The following GTF3C2 variants were observed in gnomAD, a reference collection of about 807,000 sequenced individuals.
GTF3C2 encodes general transcription factor 3C polypeptide 2.
In GTF3C2, 17 loss-of-function variants were observed where a neutral mutation model predicts 117.4. The observed-to-expected ratio is 0.14, with a 90% CI of 0.10 to 0.22. The LOEUF is 0.22. Ranked by LOEUF, GTF3C2 falls within the 10% of genes least tolerant of loss-of-function variation. GTF3C2 has a pLI of 1.00. For missense variants in GTF3C2, 888 were observed against 1,143.6 expected, an observed-to-expected ratio of 0.78 and a Z score of 3.22; for synonymous variants, 437 against 427.0, an observed-to-expected ratio of 1.02 and a Z score of -0.29.
rs112073876 is a variant in GTF3C2 at position 27,334,799 on chromosome 2, T to C, written c.1576+799A>G. Among the ~76,000 whole-genome samples the C allele has an allele frequency of 5.1e-3, 773 of 152,166 alleles. 10 individuals are homozygous for C. The highest frequency in any genetic ancestry group is 0.018 in the African/African-American group (735 of 41,520). ...CTGGGATTACAGGCATGCACCACTA[T>C]GTTCGGCTACTTTTAAAAATTTTTT... On this transcript the variant is annotated intron_variant, in intron 10 of 18. Coordinates refer to ENST00000264720, the Ensembl canonical transcript of GTF3C2.
exon 19 of GTF3C2, chr2:27,326,203 A>C (rs1680067720): frequency 2.1e-6 from 1 of 472,172 alleles, no homozygotes; most frequent in Non-Finnish European, 4.4e-6. Context: ...CCTCGTGGGC[A>C]TACATGATGG....
chr2:27,327,366 A>G, intron 17 of GTF3C2, 82 bp from the exon 18 acceptor site: 1 of 691,346 alleles, frequency 1.4e-6, no homozygotes, highest in Non-Finnish European at 2.5e-6. Context: ...TCTGTCACCC[A>G]GGCTGGAGTG....
chr2:27,330,470 AG>A (rs1298955399), intron 12 of GTF3C2, among the ~76,000 whole-genome samples: 1 of 151,900 alleles, frequency 6.6e-6, no homozygotes, highest in African/African-American at 2.4e-5. Flanking sequence ...TCAAAAAAAA[AG>A]AAAAAAAAAA....
intron 1 of GTF3C2, among the ~76,000 whole-genome samples, chr2:27,349,945 G>A (rs1681066976): frequency 6.6e-6 from 1 of 151,984 alleles, no homozygotes; most frequent in South Asian, 2.1e-4. Context: ...CAGCCCAAAA[G>A]GGAGTAGTTT....
chr2:27,332,508 G>A (rs979854365), intron 12 of GTF3C2, among the ~76,000 whole-genome samples: 2 of 151,164 alleles, frequency 1.3e-5, no homozygotes, highest in Non-Finnish European at 2.9e-5. Context: ...TCCGCCTCCC[G>A]GGTTCACGCC....
intron 3 of GTF3C2, chr2:27,342,592 G>A (rs1680773828): frequency 1.6e-5 from 9 of 565,022 alleles, no homozygotes; most frequent in Non-Finnish European, 2.2e-5. Context: ...GGTAAAGTTT[G>A]TGAAAAATGG....
At position 27,329,428 on chromosome 2, in the gene GTF3C2, G is replaced by T. The variant is rs760078139; in HGVS notation, c.1828C>A (p.Leu610Ile). The T allele has an allele frequency of 6.2e-7, 1 of 1,614,032 alleles. No individual in the cohort carries two copies. Among genetic ancestry groups the T allele is most frequent in the Non-Finnish European group, 8.5e-7 (1 of 1,180,010 alleles). The change falls in exon 13 of 19, where the codon CTA (leucine) becomes ATA (isoleucine). Residue 610 changes from leucine to isoleucine, a missense_variant. This residue lies in a region of GTF3C2 where 277 missense variants were observed against 445.4 expected (regional missense o/e 0.62). Transcript: ENST00000264720. The surrounding 1 kb of genome is among the most constrained non-coding windows in gnomAD (Gnocchi z 4.5). Reference sequence around the variant, plus strand: ...GTACGCACAGCCTGGTCATGGGCTAGGAAACACTGGAAGGGGTAGAGCTTT... The same window carrying T: ...GTACGCACAGCCTGGTCATGGGCTATGAAACACTGGAAGGGGTAGAGCTTT...
chr2:27,354,269 C>A (rs1211065538), intron 1 of GTF3C2, among the ~76,000 whole-genome samples: 1 of 150,338 alleles, frequency 6.7e-6, no homozygotes, highest in Non-Finnish European at 1.5e-5. Context: ...GGTGACAGAG[C>A]AAGATCTTGT....
intron 9 of GTF3C2, 42 bp from the exon 10 acceptor site, chr2:27,335,748 G>T: frequency 1.5e-6 from 2 of 1,360,092 alleles, no homozygotes; most frequent in South Asian, 1.2e-5. Context: ...GCCTTCAGCT[G>T]ACTCACAGAA....
exon 4 of GTF3C2, chr2:27,342,038 T>C (rs1197662379): frequency 4.3e-6 from 7 of 1,614,160 alleles, no homozygotes; most frequent in Non-Finnish European, 5.9e-6. Context: ...CTTCCACATC[T>C]TCAGCCTCAA....
intron 1 of GTF3C2, chr2:27,356,215 G>A (rs912188452): frequency 4.4e-6 from 3 of 679,702 alleles, no homozygotes; most frequent in African/African-American, 3.7e-5. Context: ...CTGGCCCTTG[G>A]TTACGCCAAT....
chr2:27,350,553 A>G (rs1191717983), intron 1 of GTF3C2: 1 of 968,122 alleles, frequency 1.0e-6, no homozygotes, highest in Non-Finnish European at 1.2e-6. Flanking sequence ...TAATCTCAAC[A>G]CTTTGGGAGG....
intron 12 of GTF3C2, among the ~76,000 whole-genome samples, chr2:27,330,943 C>A (rs1680254035): frequency 6.6e-6 from 1 of 152,118 alleles, no homozygotes; most frequent in Non-Finnish European, 1.5e-5. Context: ...GCCTGGACCC[C>A]ACAGACCCTG....
intron 17 of GTF3C2, among the ~76,000 whole-genome samples, 154 bp downstream of exon 17, chr2:27,327,883 C>G (rs1398139964): frequency 1.3e-5 from 2 of 152,158 alleles, no homozygotes; most frequent in African/African-American, 4.8e-5. Flanking sequence ...GCCTAATCCC[C>G]CCAAACTGCT....
At chr2:27,328,468 A>C in exon 16 of GTF3C2, 2 of 1,614,110 alleles carry the variant, frequency 1.2e-6, no homozygotes, top group Non-Finnish European at 1.7e-6. Flanking sequence ...GTATACGTAC[A>C]AATCTTCGCT....
chr2:27,325,970 G>A (rs1365046194), exon 19 of GTF3C2: 1 of 195,572 alleles, frequency 5.1e-6, no homozygotes, highest in Non-Finnish European at 1.1e-5. Context: ...ACATCCATGA[G>A]TGAAATTTAT....
chr2:27,331,215 T>C (rs142639115), intron 12 of GTF3C2, among the ~76,000 whole-genome samples: 3 of 152,340 alleles, frequency 2.0e-5, no homozygotes, highest in African/African-American at 7.2e-5. Context: ...CTTGACAATG[T>C]AAGAATAATA....
At chr2:27,328,534 A>T (rs774538317) in exon 16 of GTF3C2, 18 of 1,610,334 alleles carry the variant, frequency 1.1e-5, no homozygotes, top group Non-Finnish European at 1.5e-5. Context: ...ATATAGCAGC[A>T]ATGAGCTCCC....
Position 27,336,174 on chromosome 2 carries a change from T to G in GTF3C2, c.1355+24A>C, listed in dbSNP as rs371954504. On this transcript the variant is annotated intron_variant, in intron 8 of 18. Coordinates refer to ENST00000264720, the Ensembl canonical transcript of GTF3C2. ...CCTGCTGTCCTCAACCACCCTCCCA[T>G]GGCAGTGTCCAACCCCACCTCACCA... The G allele has an allele frequency of 1.9e-6, 3 of 1,564,138 alleles. No homozygotes were observed. The Admixed American group carries it at 5.0e-5, about 26-fold the overall frequency.
Sources: gnomAD v4.1 joint callset for allele counts (sites outside exome capture counted in the v4.1 genomes callset) on GRCh38, gnomAD v4.1.1 for gene constraint, gnomAD v4.1.1 regional missense constraint, Gnocchi (gnomAD v3.1) non-coding constraint, MANE v1.5 for transcripts, NCBI Gene and HGNC (gene_info 2026-07-23, HGNC 2026-07-21) for gene names.